The following PSMD7 variants were observed in gnomAD, a reference collection of about 807,000 sequenced individuals.
The protein encoded by PSMD7 is 26S proteasome non-ATPase regulatory subunit 7.
Under a neutral mutation model 36.4 loss-of-function variants are expected in PSMD7, and 13 were observed. The ratio of observed to expected loss-of-function variants is 0.36; its 90% CI spans 0.23 to 0.57. The LOEUF is 0.57. PSMD7 is among the 20% of genes least tolerant of loss of function. PSMD7 has a pLI of 0.83. For missense variants in PSMD7, 298 were observed against 393.6 expected (o/e 0.76, Z 2.06); for synonymous variants, 186 against 151.0 (o/e 1.23, Z -1.70).
At chr16:74,301,408 CATTAGAGTTTTAGT>C in intron 3 of PSMD7, 133 bp from the exon 4 acceptor site, 1 of 644,680 alleles carries the variant, frequency 1.6e-6, no homozygotes, top group Non-Finnish European at 2.7e-6. Context: ...GTCAGTCTTC[CATTAGAGTTTTAGT>C]ACCACCAGGG....
At chr16:74,297,124 C>G in intron 1 of PSMD7, 136 bp downstream of exon 1, 1 of 915,994 alleles carries the variant, frequency 1.1e-6, no homozygotes, top group Non-Finnish European at 1.7e-6. Context: ...TTCACGAGTC[C>G]AGACCAGCGT....
At chr16:74,299,468 C>G in intron 1 of PSMD7, 1 of 411,270 alleles carries the variant, frequency 2.4e-6, no homozygotes, top group South Asian at 1.7e-5. Flanking sequence ...CAAACTCGAC[C>G]TTCTGAGCTC....
At chr16:74,300,080 G>A (rs1423372814) in intron 1 of PSMD7, 35 bp from the exon 2 acceptor site, 2 of 1,557,196 alleles carry the variant, frequency 1.3e-6, no homozygotes, top group Non-Finnish European at 1.8e-6. Context: ...TTCTGTGCGA[G>A]CCTATCCACA....
intron 1 of PSMD7, chr16:74,299,784 G>A: frequency 2.5e-6 from 1 of 393,376 alleles, no homozygotes; most frequent in Non-Finnish European, 4.8e-6. Context: ...AGTTAAATGT[G>A]GTAGCAAAGC....
intron 1 of PSMD7, among the ~76,000 whole-genome samples, chr16:74,298,976 G>A (rs922707277): frequency 2.6e-5 from 4 of 152,106 alleles, no homozygotes; most frequent in African/African-American, 7.2e-5. Context: ...GAGTATGGAA[G>A]TTTCCCTTGA....
intron 5 of PSMD7, among the ~76,000 whole-genome samples, chr16:74,302,816 A>G (rs1408508336): frequency 1.3e-5 from 2 of 152,212 alleles, no homozygotes; most frequent in Non-Finnish European, 2.9e-5. Flanking sequence ...CTCCTTTTGA[A>G]TTTAGATATG....
At chr16:74,303,229 AGAG>A (rs1418108946) in intron 5 of PSMD7, among the ~76,000 whole-genome samples, 1 of 152,258 alleles carries the variant, frequency 6.6e-6, no homozygotes, top group Non-Finnish European at 1.5e-5. Context: ...TCCAAAGCAA[AGAG>A]GAGAATGCCC....
intron 2 of PSMD7, 56 bp downstream of exon 2, chr16:74,300,262 T>A: frequency 6.8e-7 from 1 of 1,471,290 alleles, no homozygotes; most frequent in Non-Finnish European, 9.5e-7. Context: ...GTTTACCCTT[T>A]AAAAATATAA....
At chr16:74,297,958 C>A (rs559150567) in intron 1 of PSMD7, among the ~76,000 whole-genome samples, 150 of 143,846 alleles carry the variant, frequency 1.0e-3, no homozygotes, top group Middle Eastern at 3.5e-3. Flanking sequence ...GACTCCGTCT[C>A]AAAAAAAAAA....
At chr16:74,299,845 TA>T in intron 1 of PSMD7, 1 of 518,232 alleles carries the variant, frequency 1.9e-6, no homozygotes, top group South Asian at 2.5e-5. Context: ...TTCTTCATTT[TA>T]AATTTCTGTG....
Position 74,296,867 on chromosome 16 carries a change from T to C in PSMD7, c.-48T>C, listed in dbSNP as rs1481641426. 1 of 1,596,842 alleles carries C rather than the reference T, an allele frequency of 6.3e-7. No homozygotes were observed. The highest frequency in any genetic ancestry group is 1.7e-4 in the Middle Eastern group (1 of 5,926). ...TACCGGTGACCGCTACTGCTGCCGG[T>C]GTTTGCGTGTGGCAGGGAGCCAGGC... is the stretch of plus-strand genomic sequence containing the variant. On this transcript the variant is annotated 5_prime_UTR_variant, in exon 1 of 7. Transcript: ENST00000219313.
intron 4 of PSMD7, 29 bp downstream of exon 4, chr16:74,301,681 G>A (rs1199879651): frequency 6.3e-7 from 1 of 1,576,952 alleles, no homozygotes. Context: ...TAAAACTCTT[G>A]AATGATTTTT....
intron 1 of PSMD7, among the ~76,000 whole-genome samples, chr16:74,297,795 G>A (rs1276524858): frequency 6.6e-6 from 1 of 151,932 alleles, no homozygotes; most frequent in East Asian, 1.9e-4. Flanking sequence ...CTTCAATTTG[G>A]CCCTGACCCC....
At position 74,301,578 on chromosome 16, in the gene PSMD7, T is replaced by C; in HGVS notation, c.283T>C (p.Tyr95His). Reference sequence around the variant, plus strand: ...AGCCAGGGAAAGAATAGTTGGCTGGTACCACACAGGCCCTAAACTACACAA... The same window carrying C: ...AGCCAGGGAAAGAATAGTTGGCTGGCACCACACAGGCCCTAAACTACACAA... ...VNARERIVGW[Y>H]HTGPKLHKND... Residue 95 changes from tyrosine (Y) to histidine (H), a missense_variant, in exon 4 of 7, where the codon TAC (tyrosine) becomes CAC (histidine). Physicochemically the swap from Tyr to His is moderately conservative, Grantham distance 83. Coordinates refer to ENST00000219313, the MANE Select transcript of PSMD7 (RefSeq NM_002811.5). The C allele has an allele frequency of 6.2e-7, 1 of 1,613,608 alleles. No homozygotes were observed. The highest frequency in any genetic ancestry group is 1.3e-5 in the African/African-American group (1 of 75,038).
At chr16:74,301,380 G>A (rs1433593395) in intron 3 of PSMD7, among the ~76,000 whole-genome samples, 175 bp from the exon 4 acceptor site, 2 of 152,174 alleles carry the variant, frequency 1.3e-5, no homozygotes, top group African/African-American at 2.4e-5. Context: ...GCAGAAAAGT[G>A]AAGAACTATC....
intron 5 of PSMD7, 140 bp downstream of exon 5, chr16:74,302,432 TCAC>T (rs370339209): frequency 4.8e-5 from 33 of 681,272 alleles, no homozygotes; most frequent in Admixed American, 2.7e-4. Flanking sequence ...ACTTTTTTAA[TCAC>T]CACATTTTGG....
intron 5 of PSMD7, among the ~76,000 whole-genome samples, chr16:74,303,767 G>A (rs3785310): frequency 0.097 from 14,692 of 151,514 alleles, 1,224 homozygotes; most frequent in East Asian, 0.41. Flanking sequence ...TGTTGCTCAG[G>A]TTGGAGTGCA....
At chr16:74,303,003 T>A (rs2034167174) in intron 5 of PSMD7, among the ~76,000 whole-genome samples, 1 of 152,238 alleles carries the variant, frequency 6.6e-6, no homozygotes, top group African/African-American at 2.4e-5. Context: ...ATCCCTGGTT[T>A]TGACCCAGTT....
rs752495063 is a variant in PSMD7 at position 74,300,106 on chromosome 16, C to T, written c.75-9C>T. The T allele has an allele frequency of 6.2e-7, 1 of 1,613,676 alleles. No homozygotes were observed. The highest frequency in any genetic ancestry group is 1.1e-5 in the South Asian group (1 of 91,064). On this transcript the variant is annotated splice_polypyrimidine_tract_variant and intron_variant, in intron 1 of 6. Transcript: ENST00000219313. ...CCTATCCACACTGACCATCTGTTTT[C>T]TCATTCAGAATCGGCAAGGTTGGAA...
Sources: allele counts gnomAD v4.1 joint callset (sites outside exome capture counted in the v4.1 genomes callset), GRCh38; gene constraint gnomAD v4.1.1; transcripts MANE v1.5; gene names NCBI Gene and HGNC (gene_info 2026-07-23, HGNC 2026-07-21).